Variants in CNTN5 observed in about 807,000 individuals in gnomAD.
CNTN5 encodes the protein contactin 5.
A neutral mutation model predicts 129.1 loss-of-function variants in CNTN5; 77 were observed. The observed-to-expected ratio is 0.60, with a 90% CI of 0.50 to 0.72. CNTN5 has a LOEUF of 0.72. Ranked by LOEUF, CNTN5 falls within the 30% of genes least tolerant of loss-of-function variation. The pLI is 0.00. For synonymous variants in CNTN5, 509 were observed against 465.6 expected, an observed-to-expected ratio of 1.09 and a Z score of -1.20; for missense variants, 1,478 against 1,328.8, an observed-to-expected ratio of 1.11 and a Z score of -1.75.
At chr11:99,078,417 C>T (rs1168235321) in intron 1 of CNTN5, among the ~76,000 whole-genome samples, 3 of 152,088 alleles carry the variant, frequency 2.0e-5, no homozygotes, top group Non-Finnish European at 4.4e-5. Context: ...TCCAGCAATC[C>T]CTCTGCTAGG....
intron 3 of CNTN5, among the ~76,000 whole-genome samples, chr11:99,763,259 A>C (rs1439977060): frequency 6.6e-6 from 1 of 152,120 alleles, no homozygotes; most frequent in Non-Finnish European, 1.5e-5. Context: ...TCCCTTTATC[A>C]AAGAAAACAC....
chr11:99,372,466 A>G (rs1403410280), intron 2 of CNTN5, among the ~76,000 whole-genome samples: 1 of 152,236 alleles, frequency 6.6e-6, no homozygotes, highest in Non-Finnish European at 1.5e-5. Flanking sequence ...GAGTGTTAAA[A>G]CAATCTAAAG....
intron 3 of CNTN5, among the ~76,000 whole-genome samples, chr11:99,665,512 G>A (rs1952754904): frequency 8.8e-6 from 1 of 113,544 alleles, no homozygotes; most frequent in Non-Finnish European, 1.7e-5. Context: ...TTGAGACAGA[G>A]CCTTGCTCTG....
intron 1 of CNTN5, among the ~76,000 whole-genome samples, chr11:99,140,464 T>TATTTTATTTC (rs779200642): frequency 3.2e-4 from 49 of 151,866 alleles, no homozygotes; most frequent in Admixed American, 6.6e-4. Flanking sequence ...GGATGCCTTT[T>TATTTTATTTC]ATTTTATTTT....
At chr11:100,283,883 T>C (rs1271279355) in intron 18 of CNTN5, among the ~76,000 whole-genome samples, 1 of 151,980 alleles carries the variant, frequency 6.6e-6, no homozygotes, top group Non-Finnish European at 1.5e-5. Flanking sequence ...GAGGCAGAGA[T>C]TGCAGTGAGC....
chr11:99,536,766 A>T (rs192676439), intron 2 of CNTN5, among the ~76,000 whole-genome samples: 3 of 151,730 alleles, frequency 2.0e-5, no homozygotes, highest in African/African-American at 7.3e-5. Context: ...GATGAGAAAA[A>T]TGCTTAGGAA....
chr11:99,096,876 A>C (rs1004517394), intron 1 of CNTN5, among the ~76,000 whole-genome samples: 4 of 151,902 alleles, frequency 2.6e-5, no homozygotes, highest in African/African-American at 9.7e-5. Flanking sequence ...CCTTGCTGAT[A>C]TACTTTGCAG....
intron 13 of CNTN5, among the ~76,000 whole-genome samples, chr11:100,077,702 G>T (rs559714023): frequency 6.6e-6 from 1 of 151,858 alleles, no homozygotes; most frequent in South Asian, 2.1e-4. Context: ...AAATAGTCAG[G>T]CATGGTGGTG....
intron 15 of CNTN5, among the ~76,000 whole-genome samples, chr11:100,195,467 C>G (rs1307377419): frequency 6.6e-6 from 1 of 151,810 alleles, no homozygotes; most frequent in Non-Finnish European, 1.5e-5. Flanking sequence ...CTGCTGTATT[C>G]TTCTTTGCAT....
rs189663360 is a variant in CNTN5, at chr11:99,626,842, A to G, written c.55+70573A>G. ...TGCCCCAAATACTGACTTGATCATTATACATTCTATGCATACAGAAATGTA... is the reference window on the plus strand; with the variant it reads ...TGCCCCAAATACTGACTTGATCATTGTACATTCTATGCATACAGAAATGTA... On this transcript the variant is annotated intron_variant, in intron 3 of 24. Coordinates refer to ENST00000524871, the MANE Select transcript of CNTN5 (RefSeq NM_014361.4). Among the ~76,000 whole-genome samples, 6 of 152,282 alleles carry G rather than the reference A, an allele frequency of 3.9e-5. No homozygotes were observed. In the East Asian group the frequency reaches 9.7e-4, roughly 25 times the overall value.
At chr11:99,864,387 C>T (rs932890639) in intron 6 of CNTN5, among the ~76,000 whole-genome samples, 3 of 152,114 alleles carry the variant, frequency 2.0e-5, no homozygotes, top group Non-Finnish European at 4.4e-5. Context: ...TCTCTGCTAT[C>T]GTCCTGCAGG....
intron 2 of CNTN5, among the ~76,000 whole-genome samples, chr11:99,411,986 C>T (rs1242431706): frequency 6.6e-6 from 1 of 152,090 alleles, no homozygotes; most frequent in Non-Finnish European, 1.5e-5. Flanking sequence ...AGATATATTA[C>T]TTTGAATTAC....
At chr11:100,269,642 G>A (rs1366343631) in intron 17 of CNTN5, among the ~76,000 whole-genome samples, 1 of 152,054 alleles carries the variant, frequency 6.6e-6, no homozygotes, top group Non-Finnish European at 1.5e-5. Flanking sequence ...AAGTATATAG[G>A]GGATTTTGCT....
At chr11:99,322,407 A>G (rs1465266921) in intron 1 of CNTN5, among the ~76,000 whole-genome samples, 2 of 152,188 alleles carry the variant, frequency 1.3e-5, no homozygotes, top group East Asian at 3.8e-4. Context: ...ACAAAAAATT[A>G]TCAGGAAAAC....
At chr11:100,264,124 G>T (rs1950255095) in intron 17 of CNTN5, among the ~76,000 whole-genome samples, 1 of 151,946 alleles carries the variant, frequency 6.6e-6, no homozygotes, top group Non-Finnish European at 1.5e-5. Context: ...GTATGTGGAG[G>T]ATTTAGGCAT....
chr11:99,416,105 T>G (rs1414269874), intron 2 of CNTN5, among the ~76,000 whole-genome samples: 1 of 152,144 alleles, frequency 6.6e-6, no homozygotes, highest in Non-Finnish European at 1.5e-5. Context: ...GAGTTAGCCT[T>G]GGTGGGAGTA....
intron 13 of CNTN5, among the ~76,000 whole-genome samples, chr11:100,181,370 T>C (rs1334814184): frequency 2.0e-5 from 3 of 151,926 alleles, no homozygotes; most frequent in African/African-American, 7.2e-5. Context: ...AAAATAATAT[T>C]ATAAATGGAG....
chr11:99,149,927 A>G (rs1348454479), intron 1 of CNTN5, among the ~76,000 whole-genome samples: 1 of 152,118 alleles, frequency 6.6e-6, no homozygotes, highest in East Asian at 1.9e-4. Context: ...TCACCTTAAT[A>G]AAGGAGGCCA....
intron 1 of CNTN5, among the ~76,000 whole-genome samples, chr11:99,067,975 G>T (rs891413679): frequency 2.6e-5 from 4 of 152,106 alleles, no homozygotes; most frequent in Non-Finnish European, 5.9e-5. Flanking sequence ...GTTATCAGGA[G>T]AGCTGATGGT....
Sources: allele counts gnomAD v4.1 joint callset (sites outside exome capture counted in the v4.1 genomes callset), GRCh38; gene constraint gnomAD v4.1.1; transcripts MANE v1.5; gene names NCBI Gene and HGNC (gene_info 2026-07-23, HGNC 2026-07-21).